Variants in P2RX5 observed in about 807,000 individuals in gnomAD.
The protein encoded by P2RX5 is P2X purinoceptor 5.
P2RX5 carries 46 observed loss-of-function variants against 54.1 expected under a neutral mutation model. The observed-to-expected ratio is 0.85, with a 90% CI of 0.67 to 1.09. The LOEUF (loss-of-function observed/expected upper bound fraction) is 1.09. Among genes scored for constraint, P2RX5 ranks in the 50% least tolerant of loss-of-function variants. The probability of loss-of-function intolerance (pLI) is 0.00; values close to 1 mark genes in which losing one functional copy is unlikely to be tolerated. For missense variants in P2RX5, 566 were observed against 549.8 expected, an observed-to-expected ratio of 1.03 and a Z score of -0.29; for synonymous variants, 226 against 226.4, an observed-to-expected ratio of 1.00 and a Z score of 0.02.
chr17:3,718,490 C>T, the P2RX5 span: 1 of 152,276 alleles, frequency 6.6e-6, no homozygotes, highest in Non-Finnish European at 1.5e-5. Flanking sequence ...ACTGGATAAA[C>T]AGCATATGCC....
At chr17:3,678,668 T>C (rs2050158624) in intron 11 of P2RX5, among the ~76,000 whole-genome samples, 1 of 152,210 alleles carries the variant, frequency 6.6e-6, no homozygotes, top group African/African-American at 2.4e-5. Flanking sequence ...AGCTGAACGC[T>C]GCCAATTCCT....
intron 11 of P2RX5, chr17:3,677,999 CCT>C (rs2050142761): frequency 2.0e-6 from 2 of 985,306 alleles, no homozygotes; most frequent in Non-Finnish European, 2.4e-6. Flanking sequence ...GGCACAGACT[CCT>C]CTACCCAGTT....
At position 3,691,717 on chromosome 17, in the gene P2RX5, C is replaced by T; in HGVS notation, c.215G>A (p.Gly72Asp). The change falls in exon 2 of 12, where the codon GGC becomes GAC. Residue 72 changes from glycine to aspartate, a missense_variant. Transcript: ENST00000225328. ...ATCCGAGGTGTTGGTGAAGGCCACG[C>T]CCTTGACTTTGGTGATGACAGCACT... ...LQSAVITKVKGVAFTNTSDLG... is the reference protein window; with the variant it reads ...LQSAVITKVKDVAFTNTSDLG... The T allele has an allele frequency of 7.4e-6, 12 of 1,614,218 alleles. No individual in the cohort carries two copies. The highest frequency in any genetic ancestry group is 9.3e-6 in the Non-Finnish European group (11 of 1,180,034).
chr17:3,682,067 C>T, intron 9 of P2RX5, 89 bp from the exon 10 acceptor site: 2 of 867,082 alleles, frequency 2.3e-6, no homozygotes, highest in Non-Finnish European at 3.9e-6. Context: ...CCTGCAACAG[C>T]CCCTAAAGGT....
At chr17:3,707,423 C>T in the P2RX5 span, among the ~76,000 whole-genome samples, 1 of 152,112 alleles carries the variant, frequency 6.6e-6, no homozygotes, top group East Asian at 1.9e-4. Context: ...CCAAAAGACC[C>T]CAGGCCTGGG....
At chr17:3,697,710 C>T (rs2050785722), upstream of P2RX5, among the ~76,000 whole-genome samples, 1 of 152,216 alleles carries the variant, frequency 6.6e-6, no homozygotes, top group Non-Finnish European at 1.5e-5. Flanking sequence ...GTATTTTGCT[C>T]TCAAACTGTC....
chr17:3,710,438 TAAA>T, the P2RX5 span, among the ~76,000 whole-genome samples: 2 of 151,368 alleles, frequency 1.3e-5, no homozygotes, highest in African/African-American at 4.9e-5. Flanking sequence ...AATAAATAAA[TAAA>T]TAAATAAATT....
chr17:3,681,914 T>C lies in P2RX5; in HGVS notation c.1046A>G (p.Lys349Arg). 1 of 1,613,566 alleles carries C rather than the reference T, an allele frequency of 6.2e-7. No individual in the cohort carries two copies. Among genetic ancestry groups the C allele is most frequent in the Non-Finnish European group, 8.5e-7 (1 of 1,179,516 alleles). ...LIKKREFYRDKKYEEVRGLED... is the reference protein window; with the variant it reads ...LIKKREFYRDRKYEEVRGLED... ...AACTGACCTCACTTCCTCGTACTTC[T>C]TGTCACGGTAAAACTCTCTCTTTTT... is the stretch of plus-strand genomic sequence containing the variant. Residue 349 changes from lysine (K) to arginine (R), a missense_variant, in exon 10 of 12, where the codon AAG becomes AGG. By Grantham distance (26) the Lys-to-Arg change is conservative. Transcript: ENST00000225328.
At chr17:3,715,483 T>C in the P2RX5 span, among the ~76,000 whole-genome samples, 2 of 152,152 alleles carry the variant, frequency 1.3e-5, no homozygotes, top group Non-Finnish European at 2.9e-5. Flanking sequence ...TGAGCAGTCA[T>C]GGAGGGCATT....
chr17:3,690,498 C>T lies in P2RX5; in HGVS notation c.462G>A (p.Arg154=), dbSNP rs2050581576. The T allele has an allele frequency of 6.2e-7, 1 of 1,613,610 alleles. No individual in the cohort carries two copies. The change falls in exon 5 of 12, where the codon CGG becomes CGA. Residue 154 remains arginine (R), a synonymous_variant. Coordinates refer to ENST00000225328, the MANE Select transcript of P2RX5 (RefSeq NM_002561.4). ...GNGVKTGRCL[R]RENLARGTCE... ...AGGTGCCCCTGGCCAAGTTCTCTCTCCGCAGGCAGCGGCCGGTCTTCACTC... is the reference window on the plus strand; with the variant it reads ...AGGTGCCCCTGGCCAAGTTCTCTCTTCGCAGGCAGCGGCCGGTCTTCACTC...
chr17:3,712,527 C>T, the P2RX5 span, among the ~76,000 whole-genome samples: 3 of 152,272 alleles, frequency 2.0e-5, no homozygotes, highest in African/African-American at 4.8e-5. Flanking sequence ...GAGCTCTCCA[C>T]GTCCTAGTCA....
chr17:3,691,261 G>A (rs2050608657), intron 2 of P2RX5, among the ~76,000 whole-genome samples: 1 of 152,260 alleles, frequency 6.6e-6, no homozygotes, highest in African/African-American at 2.4e-5. Flanking sequence ...TCCGGGAGAA[G>A]TGGGCGCAGG....
intron 11 of P2RX5, 31 bp from the exon 12 acceptor site, chr17:3,673,908 A>G: frequency 6.3e-7 from 1 of 1,594,178 alleles, no homozygotes; most frequent in Non-Finnish European, 8.6e-7. Context: ...GGAGCTCTTG[A>G]GAGGCTGGCA....
intron 1 of P2RX5, among the ~76,000 whole-genome samples, chr17:3,694,134 C>T (rs2050692590): frequency 1.3e-5 from 2 of 149,318 alleles, no homozygotes; most frequent in African/African-American, 2.5e-5. Context: ...CAGCCCCACA[C>T]GGCAGGATAG....
chr17:3,715,399 C>G, the P2RX5 span, among the ~76,000 whole-genome samples: 8 of 152,218 alleles, frequency 5.3e-5, no homozygotes, highest in Admixed American at 3.9e-4. Flanking sequence ...AGGGAGCTCA[C>G]AGCAAACACA....
In P2RX5 at chr17:3,689,524, C is replaced by G; in HGVS notation, c.721G>C (p.Ala241Pro). Residue 241 changes from alanine (A) to proline (P), a missense_variant, in exon 7 of 12, where the codon GCC becomes CCC. By Grantham distance (27) the Ala-to-Pro change is conservative (BLOSUM62 -1). Transcript: ENST00000225328. Reference protein sequence around the residue: ...IFRLGSVIRWAGSDFQDIALE... With the variant: ...IFRLGSVIRWPGSDFQDIALE... ...GCTATATCCTGGAAGTCGCTCCCGG[C>G]CCAGCGGATCACGGAGCCCAGTCGG... 1 of 1,614,180 alleles carries G rather than the reference C, an allele frequency of 6.2e-7. No homozygotes were observed. The highest frequency in any genetic ancestry group is 2.2e-5 in the East Asian group (1 of 44,884).
the P2RX5 span, among the ~76,000 whole-genome samples, chr17:3,723,037 C>T: frequency 6.6e-6 from 1 of 152,178 alleles, no homozygotes; most frequent in Non-Finnish European, 1.5e-5. Context: ...GCAGGGCTTG[C>T]TGCTGGAATA....
chr17:3,712,636 A>G, the P2RX5 span, among the ~76,000 whole-genome samples: 3 of 152,174 alleles, frequency 2.0e-5, no homozygotes, highest in Admixed American at 2.0e-4. Context: ...CAAAGAATCA[A>G]CTAAAGAGTG....
intron 2 of P2RX5, 116 bp downstream of exon 2, chr17:3,691,528 G>T: frequency 7.7e-7 from 1 of 1,306,286 alleles, no homozygotes; most frequent in Non-Finnish European, 1.1e-6. Flanking sequence ...CAGCTGTCTT[G>T]GGCCAAGAGA....
Sources: gnomAD v4.1 joint callset for allele counts (sites outside exome capture counted in the v4.1 genomes callset) on GRCh38, gnomAD v4.1.1 for gene constraint, MANE v1.5 for transcripts, NCBI Gene and HGNC (gene_info 2026-07-23, HGNC 2026-07-21) for gene names.